The following NTNG1 variants were observed in gnomAD, a reference collection of about 807,000 sequenced individuals.
The protein encoded by NTNG1 is netrin-G1.
NTNG1 carries 16 observed loss-of-function variants against 54.0 expected under a neutral mutation model. That is an observed-to-expected ratio of 0.30 (90% CI 0.20 to 0.45). The LOEUF (loss-of-function observed/expected upper bound fraction) is 0.45. Ranked by LOEUF, NTNG1 falls within the 20% of genes least tolerant of loss-of-function variation. NTNG1 has a pLI of 1.00. For synonymous variants in NTNG1, 255 were observed against 263.1 expected (o/e 0.97, Z 0.30); for missense variants, 530 against 678.7 (o/e 0.78, Z 2.43).
chr1:107,177,788 C>T (rs1170805100), intron 2 of NTNG1, among the ~76,000 whole-genome samples: 2 of 152,068 alleles, frequency 1.3e-5, no homozygotes, highest in African/African-American at 4.8e-5. Context: ...TATAAATTGC[C>T]TTTTTTCTTC....
intron 3 of NTNG1, among the ~76,000 whole-genome samples, chr1:107,338,133 G>A (rs1668695106): frequency 6.6e-6 from 1 of 151,952 alleles, no homozygotes; most frequent in Non-Finnish European, 1.5e-5. Context: ...GTTACCATCT[G>A]TGCATAAAAT....
chr1:107,207,431 G>T (rs937339579), intron 2 of NTNG1, among the ~76,000 whole-genome samples: 8 of 152,216 alleles, frequency 5.3e-5, no homozygotes, highest in African/African-American at 1.9e-4. Context: ...AGCTGTGAAG[G>T]TGATGGCACA....
At chr1:107,342,762 G>T (rs1370921606) in intron 3 of NTNG1, among the ~76,000 whole-genome samples, 1 of 151,902 alleles carries the variant, frequency 6.6e-6, no homozygotes, top group African/African-American at 2.4e-5. Context: ...AACCCCATTG[G>T]CTACTTCTAA....
At chr1:107,439,893 T>A (rs1438399378) in intron 7 of NTNG1, among the ~76,000 whole-genome samples, 1 of 151,950 alleles carries the variant, frequency 6.6e-6, no homozygotes, top group African/African-American at 2.4e-5. Context: ...ATTTTGCTCC[T>A]GTCCTCACAC....
intron 4 of NTNG1, among the ~76,000 whole-genome samples, chr1:107,406,388 T>G (rs1183018118): frequency 6.6e-6 from 1 of 152,186 alleles, no homozygotes; most frequent in Non-Finnish European, 1.5e-5. Context: ...CATTAACAGC[T>G]ACCGTTTATT....
chr1:107,355,057 C>A (rs944309296), intron 3 of NTNG1, among the ~76,000 whole-genome samples: 2 of 152,080 alleles, frequency 1.3e-5, no homozygotes, highest in South Asian at 4.1e-4. Flanking sequence ...TTGAATTTTT[C>A]ATTTTAGTGA....
chr1:107,456,793 G>T (rs597258), intron 7 of NTNG1, among the ~76,000 whole-genome samples: 1 of 152,212 alleles, frequency 6.6e-6, no homozygotes, highest in African/African-American at 2.4e-5. Context: ...CAAGACCTCA[G>T]TCCCCAAGTT....
rs1323911359 is a variant in NTNG1 at position 107,141,062 on chromosome 1, G to C, written c.-604G>C. 1 of 152,542 alleles carries C rather than the reference G, an allele frequency of 6.6e-6. No homozygotes were observed. The highest frequency in any genetic ancestry group is 2.4e-5 in the African/African-American group (1 of 41,440). The allele number at this position is 152,542 out of a possible 1,614,324, so 9.4% of individuals were successfully genotyped here. A position where few individuals can be genotyped will look rare whatever the true frequency, so the allele number is the denominator to read the frequency against. ...TTGCATTTCGGAAGAGGACGTCAAC[G>C]GGAAGGAATTCCCCCTCTGGGTGCG... On this transcript the variant is annotated 5_prime_UTR_variant, in exon 1 of 8. Transcript: ENST00000370068.
At chr1:107,334,849 G>A (rs934925286) in intron 3 of NTNG1, among the ~76,000 whole-genome samples, 8 of 152,034 alleles carry the variant, frequency 5.3e-5, no homozygotes, top group Admixed American at 5.2e-4. Context: ...ATCCTTCTAA[G>A]CATCACGTAG....
At chr1:107,343,278 A>G (rs1669011972) in intron 3 of NTNG1, among the ~76,000 whole-genome samples, 1 of 152,130 alleles carries the variant, frequency 6.6e-6, no homozygotes, top group African/African-American at 2.4e-5. Context: ...GCTCCTGGTC[A>G]AGGTTGTTGT....
intron 7 of NTNG1, among the ~76,000 whole-genome samples, chr1:107,465,516 ATATCTT>A (rs1327287387): frequency 5.9e-5 from 9 of 152,348 alleles, no homozygotes; most frequent in African/African-American, 2.2e-4. Context: ...ATCTATGTCT[ATATCTT>A]TATCTAGATC....
chr1:107,408,535 C>A (rs138839118), intron 5 of NTNG1: 1 of 152,024 alleles, frequency 6.6e-6, no homozygotes, highest in African/African-American at 2.4e-5. Context: ...GTGTAGCTCC[C>A]GCTTCATGTG....
chr1:107,172,575 A>G (rs1435339853), intron 2 of NTNG1, among the ~76,000 whole-genome samples: 1 of 152,136 alleles, frequency 6.6e-6, no homozygotes, highest in South Asian at 2.1e-4. Context: ...GCAGAGTCCA[A>G]GACTTAAAAT....
At chr1:107,185,595 G>A (rs1163069127) in intron 2 of NTNG1, among the ~76,000 whole-genome samples, 1 of 152,170 alleles carries the variant, frequency 6.6e-6, no homozygotes, top group Non-Finnish European at 1.5e-5. Context: ...TGAGGTTTGA[G>A]TGGCTATGAA....
chr1:107,307,733 A>G (rs1228652658), intron 2 of NTNG1, among the ~76,000 whole-genome samples: 1 of 152,204 alleles, frequency 6.6e-6, no homozygotes. Context: ...TCCATCTAAC[A>G]AGGCTTATTT....
At chr1:107,458,041 G>T (rs1172075280) in intron 7 of NTNG1, among the ~76,000 whole-genome samples, 1 of 152,102 alleles carries the variant, frequency 6.6e-6, no homozygotes, top group Non-Finnish European at 1.5e-5. Context: ...AATAGCCCAA[G>T]TGCAGATATA....
intron 7 of NTNG1, among the ~76,000 whole-genome samples, chr1:107,463,090 T>A (rs1677379073): frequency 6.6e-6 from 1 of 152,236 alleles, no homozygotes; most frequent in Non-Finnish European, 1.5e-5. Context: ...CCTTTCCTCA[T>A]GTCAGCTGAG....
At position 107,168,088 on chromosome 1, in the gene NTNG1, T is replaced by C. The variant is rs532818679; in HGVS notation, c.246+19249T>C. Among the ~76,000 whole-genome samples the C allele has an allele frequency of 3.4e-4, 52 of 152,148 alleles. No individual in the cohort carries two copies. In the South Asian group the frequency reaches 0.011, roughly 31 times the overall value. On this transcript the variant is annotated intron_variant, in intron 2 of 7. Coordinates refer to ENST00000370068, the MANE Select transcript of NTNG1 (RefSeq NM_001113226.3). ...CAGTATAACTAAAGGGAGCTTTACT[T>C]TGAAACAAGATTATTCATGAAGTCT...
At chr1:107,376,412 CAAAACAAAAAA>C (rs762855222) in intron 3 of NTNG1, among the ~76,000 whole-genome samples, 7 of 148,900 alleles carry the variant, frequency 4.7e-5, no homozygotes, top group East Asian at 2.0e-4. Context: ...CGTCTCAAAA[CAAAACAAAAAA>C]AAAAACAAAA....
Sources: gnomAD v4.1 joint callset for allele counts (sites outside exome capture counted in the v4.1 genomes callset) on GRCh38, gnomAD v4.1.1 for gene constraint, MANE v1.5 for transcripts, NCBI Gene and HGNC (gene_info 2026-07-23, HGNC 2026-07-21) for gene names.